The following TTC39A variants were observed in gnomAD, a reference collection of about 807,000 sequenced individuals.
The protein encoded by TTC39A is tetratricopeptide repeat protein 39A.
In TTC39A, 46 loss-of-function variants were observed where a neutral mutation model predicts 82.3. That is an observed-to-expected ratio of 0.56 (90% CI 0.44 to 0.71). The LOEUF is 0.71. TTC39A is among the 30% of genes least tolerant of loss of function. The pLI, the probability that TTC39A is intolerant of heterozygous loss-of-function variation, is 0.00. For missense variants in TTC39A, 543 were observed against 712.9 expected, an observed-to-expected ratio of 0.76 and a Z score of 2.71; for synonymous variants, 254 against 275.2, an observed-to-expected ratio of 0.92 and a Z score of 0.76.
At chr1:51,344,536 C>T (rs1346877872) in intron 1 of TTC39A, among the ~76,000 whole-genome samples, 1 of 152,190 alleles carries the variant, frequency 6.6e-6, no homozygotes, top group Non-Finnish European at 1.5e-5. Flanking sequence ...ACCTGCTCCT[C>T]GGATGTGGAC....
chr1:51,322,697 G>A lies in TTC39A; in HGVS notation c.42-872C>T, dbSNP rs533963380. Among the ~76,000 whole-genome samples the A allele has an allele frequency of 1.6e-4, 25 of 152,288 alleles. 2 individuals carry two copies. In the South Asian group the frequency reaches 4.4e-3, roughly 27 times the overall value. On this transcript the variant is annotated intron_variant, in intron 1 of 17. Coordinates refer to ENST00000680483, the MANE Select transcript of TTC39A (RefSeq NM_001297663.2). The stretch of plus-strand genomic sequence containing the variant: ...ATAAAAATGAGAGATGAAACTAAGA[G>A]ATCCCAGAAGCCCTGCCTATTTGAT...
At chr1:51,322,642 C>T (rs1443466699) in intron 1 of TTC39A, among the ~76,000 whole-genome samples, 1 of 151,996 alleles carries the variant, frequency 6.6e-6, no homozygotes, top group Non-Finnish European at 1.5e-5. Flanking sequence ...AAAGCAAACC[C>T]CTGACTTTTC....
At chr1:51,316,353 C>G (rs994664483) in intron 2 of TTC39A, among the ~76,000 whole-genome samples, 1 of 152,172 alleles carries the variant, frequency 6.6e-6, no homozygotes, top group East Asian at 1.9e-4. Context: ...TCCTGACCTG[C>G]CCATACTGGC....
Position 51,330,236 on chromosome 1 carries a change from CCG to C in TTC39A, c.41+199_41+200del. On this transcript the variant is annotated intron_variant, in intron 1 of 17. Coordinates refer to ENST00000680483, the MANE Select transcript of TTC39A (RefSeq NM_001297663.2). This position sits in a 1 kb window ranked among gnomAD's most constrained non-coding sequence, Gnocchi z 4.5. ...AAGGTGAGTGACCGACCCGGGGTCC[CCG>C]CGCCTCCGCCTCCTCACAGCCCCCT... 2.0e-6 allele frequency: 2 copies of C among 983,750 alleles called. No individual in the cohort carries two copies. Among genetic ancestry groups the C allele is most frequent in the Non-Finnish European group, 2.4e-6 (2 of 828,506 alleles). 60.9% of individuals were successfully genotyped at this position (983,750 alleles called of 1,614,324 possible). A position where few individuals can be genotyped will look rare whatever the true frequency, so the allele number is the denominator to read the frequency against.
intron 1 of TTC39A, 193 bp from the exon 2 acceptor site, chr1:51,322,018 T>C: frequency 6.8e-7 from 1 of 1,464,538 alleles, no homozygotes. Flanking sequence ...TTCCCAAGGG[T>C]GGGAGGGGGA....
chr1:51,308,234 C>T (rs1238028962), intron 6 of TTC39A, among the ~76,000 whole-genome samples: 2 of 151,630 alleles, frequency 1.3e-5, no homozygotes, highest in South Asian at 2.1e-4. Flanking sequence ...AACCTCTTGC[C>T]GCCACCCCCC....
Position 51,321,700 on chromosome 1 carries a change from C to A in TTC39A, c.146+21G>T. 2 of 1,611,208 alleles carry A rather than the reference C, an allele frequency of 1.2e-6. No homozygotes were observed. Among genetic ancestry groups the A allele is most frequent in the South Asian group, 2.2e-5 (2 of 90,392 alleles). ...TGACCGTCATGCACACCCCCTACCC[C>A]AACCGGGGCTTGAGCCTCACCTGGG... On this transcript the variant is annotated intron_variant, in intron 2 of 17. Coordinates refer to ENST00000680483, the MANE Select transcript of TTC39A (RefSeq NM_001297663.2). The surrounding 1 kb of genome is among the most constrained non-coding windows in gnomAD (Gnocchi z 4.6).
Position 51,321,896 on chromosome 1 carries a change from C to A in TTC39A, c.42-71G>T, listed in dbSNP as rs1034082698. The A allele has an allele frequency of 1.6e-5, 24 of 1,472,420 alleles. No individual in the cohort carries two copies. The Middle Eastern group carries it at 1.2e-3, about 74-fold the overall frequency. The allele number at this position is 1,472,420 out of a possible 1,614,324, so 91.2% of individuals were successfully genotyped here. On this transcript the variant is annotated intron_variant, in intron 1 of 17. Coordinates refer to ENST00000680483, the MANE Select transcript of TTC39A (RefSeq NM_001297663.2). The surrounding 1 kb of genome is among the most constrained non-coding windows in gnomAD (Gnocchi z 4.6). Reference sequence around the variant, plus strand: ...CCAGCCTCTCCTGGCTGGAACAGAGCCTCACAGGGTCTACTCAGCCTCCCT... The same window carrying A: ...CCAGCCTCTCCTGGCTGGAACAGAGACTCACAGGGTCTACTCAGCCTCCCT...
At position 51,294,344 on chromosome 1, in the gene TTC39A, A is replaced by G. The variant is rs1273304893; in HGVS notation, c.1266+47T>C. 1 of 1,612,052 alleles carries G rather than the reference A, an allele frequency of 6.2e-7. No homozygotes were observed. The highest frequency in any genetic ancestry group is 1.7e-5 in the Admixed American group (1 of 59,956). On this transcript the variant is annotated intron_variant, in intron 14 of 17. Transcript: ENST00000680483. This position sits in a 1 kb window ranked among gnomAD's most constrained non-coding sequence, Gnocchi z 4.3. Reference sequence around the variant, plus strand: ...TGGCTGTGGCTCTCAGTGAATCCCCACAATCCTATACCCGGAGGGCAGCGC... The same window carrying G: ...TGGCTGTGGCTCTCAGTGAATCCCCGCAATCCTATACCCGGAGGGCAGCGC...
At chr1:51,311,572 C>CT (rs1459851277) in intron 4 of TTC39A, among the ~76,000 whole-genome samples, 1 of 152,170 alleles carries the variant, frequency 6.6e-6, no homozygotes, top group African/African-American at 2.4e-5. Flanking sequence ...GCGTTAGAAC[C>CT]TTCCAGGGCT....
intron 6 of TTC39A, among the ~76,000 whole-genome samples, chr1:51,306,852 G>GCCC (rs1644884367): frequency 4.4e-4 from 9 of 20,624 alleles, no homozygotes; most frequent in African/African-American, 1.7e-3. Flanking sequence ...TTAAGGGACA[G>GCCC]ACCCCCCCCC....
Position 51,345,004 on chromosome 1 carries a change from TC to T in TTC39A, c.39del (p.Ser15AlafsTer18). The stretch of plus-strand genomic sequence containing the variant: ...CCTGCCCGGTACCTGCGGTCGCTTT[TC>T]CCGGAGGCCGCCTCCTTCCAGGTGG... On this transcript the variant is annotated frameshift_variant, in exon 1 of 6. Transcript: ENST00000401051. LOFTEE classifies it high-confidence loss of function. 1 of 1,523,362 alleles carries T rather than the reference TC, an allele frequency of 6.6e-7. No individual in the cohort carries two copies. Among genetic ancestry groups the T allele is most frequent in the Non-Finnish European group, 8.8e-7 (1 of 1,135,102 alleles). 94.4% of individuals were successfully genotyped at this position (1,523,362 alleles called of 1,614,324 possible).
chr1:51,288,309 G>A lies in TTC39A; in HGVS notation c.1611-29C>T. The A allele has an allele frequency of 6.2e-7, 1 of 1,613,642 alleles. No homozygotes were observed. The highest frequency in any genetic ancestry group is 8.5e-7 in the Non-Finnish European group (1 of 1,179,672). ...GAATTGAGCAGCGAATCAGACACAT[G>A]AGGCTGCCTGCTCCCAGAGATGCTT... On this transcript the variant is annotated intron_variant, in intron 17 of 17. Coordinates refer to ENST00000680483, the MANE Select transcript of TTC39A (RefSeq NM_001297663.2). The surrounding 1 kb of genome is among the most constrained non-coding windows in gnomAD (Gnocchi z 4.8).
chr1:51,339,375 C>T (rs1646009217), intron 1 of TTC39A, among the ~76,000 whole-genome samples: 1 of 152,192 alleles, frequency 6.6e-6, no homozygotes, highest in Non-Finnish European at 1.5e-5. Flanking sequence ...TAGATTTCCG[C>T]ACTGCTGATC....
At chr1:51,331,038 G>A (rs947761468), upstream of TTC39A, 3 of 807,274 alleles carry the variant, frequency 3.7e-6, no homozygotes, top group African/African-American at 5.1e-5. Flanking sequence ...ACACGGTTTA[G>A]CACTCACTGC....
upstream of TTC39A, chr1:51,331,570 G>A (rs989690898): frequency 1.8e-5 from 18 of 985,422 alleles, no homozygotes; most frequent in Non-Finnish European, 2.2e-5. Flanking sequence ...AACCACGGTG[G>A]GAACAGGACT....
chr1:51,341,383 A>G (rs1646034757), intron 1 of TTC39A, among the ~76,000 whole-genome samples: 1 of 152,070 alleles, frequency 6.6e-6, no homozygotes, highest in Non-Finnish European at 1.5e-5. Context: ...AGAGGCAGAA[A>G]TTTTCAGGAA....
upstream of TTC39A, among the ~76,000 whole-genome samples, chr1:51,335,990 G>A (rs1404567271): frequency 6.7e-6 from 1 of 149,736 alleles, no homozygotes; most frequent in Non-Finnish European, 1.5e-5. Context: ...ACCCCTCCCA[G>A]CCCCTTCCCC....
At position 51,287,958 on chromosome 1, in the gene TTC39A, T is replaced by G; in HGVS notation, c.*199A>C. On this transcript the variant is annotated 3_prime_UTR_variant, in exon 18 of 18. Coordinates refer to ENST00000680483, the MANE Select transcript of TTC39A (RefSeq NM_001297663.2). ...GGCAGGCAGAGGGCTCCACCTGCTC[T>G]GCCCTTGGCAAAGGCCCTTGGCTAC... The G allele has an allele frequency of 1.3e-6, 1 of 760,626 alleles. No individual in the cohort carries two copies. The highest frequency in any genetic ancestry group is 2.0e-6 in the Non-Finnish European group (1 of 492,246). 47.1% of individuals were successfully genotyped at this position (760,626 alleles called of 1,614,324 possible).
Sources: allele counts gnomAD v4.1 joint callset (sites outside exome capture counted in the v4.1 genomes callset), GRCh38; gene constraint gnomAD v4.1.1; non-coding constraint Gnocchi (gnomAD v3.1); transcripts MANE v1.5; gene names NCBI Gene and HGNC (gene_info 2026-07-23, HGNC 2026-07-21).